The following TNC variants were observed in gnomAD, a reference collection of about 807,000 sequenced individuals.
The protein encoded by TNC is tenascin.
A neutral mutation model predicts 202.4 loss-of-function variants in TNC; 109 were observed. The ratio of observed to expected loss-of-function variants is 0.54; its 90% CI spans 0.46 to 0.63. The LOEUF is 0.63. TNC is among the 30% of genes least tolerant of loss of function. The pLI, the probability that TNC is intolerant of heterozygous loss-of-function variation, is 0.00. For synonymous variants in TNC, 1,007 were observed against 1,089.7 expected, an observed-to-expected ratio of 0.92 and a Z score of 1.50; for missense variants, 2,756 against 2,833.3, an observed-to-expected ratio of 0.97 and a Z score of 0.62.
At chr9:115,043,270 G>T (rs1010699654) in intron 17 of TNC, among the ~76,000 whole-genome samples, 1 of 152,094 alleles carries the variant, frequency 6.6e-6, no homozygotes, top group African/African-American at 2.4e-5. Flanking sequence ...ATTCAGCAAG[G>T]GTTTTTTTTT....
intron 24 of TNC, among the ~76,000 whole-genome samples, chr9:115,029,785 C>T (rs1564407449): frequency 6.6e-6 from 1 of 152,118 alleles, no homozygotes; most frequent in Non-Finnish European, 1.5e-5. Flanking sequence ...ATGAAAACTT[C>T]TGTTCACTTA....
At chr9:115,023,907 G>A (rs1829277176) in intron 27 of TNC, 66 bp downstream of exon 27, 4 of 1,539,284 alleles carry the variant, frequency 2.6e-6, no homozygotes, top group Non-Finnish European at 1.8e-6. Context: ...GAGTTAAATT[G>A]TACTTCCATT....
At chr9:115,099,403 T>C (rs1051553942) in intron 1 of TNC, among the ~76,000 whole-genome samples, 2 of 152,220 alleles carry the variant, frequency 1.3e-5, no homozygotes, top group African/African-American at 4.8e-5. Context: ...GAAACATCTG[T>C]GCAATGTTTG....
intron 19 of TNC, among the ~76,000 whole-genome samples, chr9:115,039,518 C>T (rs1034287617): frequency 3.9e-5 from 6 of 152,206 alleles, no homozygotes; most frequent in African/African-American, 1.4e-4. Flanking sequence ...TCCTACTACC[C>T]AACATCACTT....
chr9:115,052,763 G>A lies in TNC; in HGVS notation c.4580-4231C>T, dbSNP rs556229322. 8.5e-5 allele frequency: 60 copies of A among 702,498 alleles called. No individual in the cohort carries two copies. In the South Asian group the frequency reaches 8.6e-4, roughly 10 times the overall value. 43.5% of individuals were successfully genotyped at this position (702,498 alleles called of 1,614,324 possible). On this transcript the variant is annotated intron_variant, in intron 15 of 27. Transcript: ENST00000350763. ...ACCTGTAATGACAAAGGCAGTGAGG[G>A]GTCTGGTGGGATCCCCAGCCAAGGT...
intron 19 of TNC, 129 bp from the exon 20 acceptor site, chr9:115,038,509 G>T: frequency 8.0e-7 from 1 of 1,245,486 alleles, no homozygotes; most frequent in Non-Finnish European, 1.1e-6. Context: ...ATGGTTCAGA[G>T]ACCTAAGCCT....
At chr9:115,087,382 A>G in intron 2 of TNC, 109 bp from the exon 3 acceptor site, 2 of 1,091,442 alleles carry the variant, frequency 1.8e-6, no homozygotes, top group East Asian at 2.6e-5. Context: ...TTGCACCCTC[A>G]GGCTCCATCT....
intron 18 of TNC, among the ~76,000 whole-genome samples, chr9:115,041,372 C>T (rs893384603): frequency 2.6e-5 from 4 of 151,254 alleles, no homozygotes; most frequent in African/African-American, 7.3e-5. Flanking sequence ...AGAGAGCTGG[C>T]ACGTTGTGCA....
intron 15 of TNC, among the ~76,000 whole-genome samples, chr9:115,050,641 ATTG>A: frequency 6.6e-6 from 1 of 152,340 alleles, no homozygotes; most frequent in Non-Finnish European, 1.5e-5. Flanking sequence ...GCATAGGTCT[ATTG>A]TTCTATCTAG....
In TNC at chr9:115,048,448, G is replaced by T. The variant is rs752514811; in HGVS notation, c.4664C>A (p.Ala1555Asp). Residue 1555 changes from alanine (A) to aspartate (D), a missense_variant, in exon 16 of 28, where the codon GCC becomes GAC. By Grantham distance (126) the Ala-to-Asp change is moderately radical. Around this residue, in one of 2 missense-constraint regions of TNC, gnomAD observed 2,559 missense variants for 2,546.0 expected, o/e 1.01. Transcript: ENST00000350763. ...CACCGTTACTAGAAAGCTGTCAAAG[G>T]CATTCTCCGATGCCATCCAGGAAAC... Reference protein sequence around the residue: ...FTVSWMASENAFDSFLVTVVD... With the variant: ...FTVSWMASENDFDSFLVTVVD... 3.7e-6 allele frequency: 6 copies of T among 1,613,886 alleles called. No individual in the cohort carries two copies. Among genetic ancestry groups the T allele is most frequent in the African/African-American group, 1.3e-5 (1 of 74,910 alleles).
chr9:115,074,570 T>G (rs1461152775), intron 9 of TNC, among the ~76,000 whole-genome samples: 2 of 152,232 alleles, frequency 1.3e-5, no homozygotes, highest in Non-Finnish European at 2.9e-5. Flanking sequence ...TCAAATGGAC[T>G]AATATGTGTA....
intron 13 of TNC, among the ~76,000 whole-genome samples, chr9:115,061,974 G>A (rs1832578702): frequency 6.6e-6 from 1 of 152,192 alleles, no homozygotes; most frequent in Admixed American, 6.5e-5. Flanking sequence ...GATAGTTTCA[G>A]CAGAAGCTAA....
Position 115,090,920 on chromosome 9 carries a change from T to A in TNC, c.99A>T (p.Arg33=). 1 of 1,614,146 alleles carries A rather than the reference T, an allele frequency of 6.2e-7. No homozygotes were observed. The highest frequency in any genetic ancestry group is 8.5e-7 in the Non-Finnish European group (1 of 1,180,014). ...GCAGGGTGGCGTTCACCCCACTCTG[T>A]CGCTTGTGCCGGATGACTTTCTTGA... is the stretch of plus-strand genomic sequence containing the variant. ...GVLKKVIRHK[R]QSGVNATLPE... Residue 33 remains arginine (R), a synonymous_variant, in exon 2 of 28, where the codon CGA becomes CGT. Coordinates refer to ENST00000350763, the MANE Select transcript of TNC (RefSeq NM_002160.4).
At chr9:115,060,581 G>C (rs1469472067) in intron 13 of TNC, among the ~76,000 whole-genome samples, 1 of 152,160 alleles carries the variant, frequency 6.6e-6, no homozygotes, top group Admixed American at 6.5e-5. Context: ...GCTTAATAAA[G>C]AAATCATTGT....
rs920122547 is a variant in TNC, at chr9:115,064,123, G to A, written c.3488-55C>T. On this transcript the variant is annotated intron_variant, in intron 11 of 27. Coordinates refer to ENST00000350763, the MANE Select transcript of TNC (RefSeq NM_002160.4). ...ATCAAATCACACAACAAGATCCAGG[G>A]AATCTTTAACACAAGAATAAGCTGA... The A allele has an allele frequency of 4.0e-6, 6 of 1,500,040 alleles. No individual in the cohort carries two copies. In the African/African-American group the frequency reaches 8.4e-5, roughly 21 times the overall value. 92.9% of individuals were successfully genotyped at this position (1,500,040 alleles called of 1,614,324 possible). A position where few individuals can be genotyped will look rare whatever the true frequency, so the allele number is the denominator to read the frequency against.
chr9:115,072,540 A>G (rs986160826), intron 10 of TNC, among the ~76,000 whole-genome samples: 2 of 152,244 alleles, frequency 1.3e-5, no homozygotes, highest in East Asian at 1.9e-4. Context: ...TTGCATATCA[A>G]GCTTCAACTG....
intron 26 of TNC, among the ~76,000 whole-genome samples, chr9:115,024,624 G>A (rs1031561774): frequency 6.6e-6 from 1 of 152,164 alleles, no homozygotes; most frequent in African/African-American, 2.4e-5. Flanking sequence ...AGTAAGGTGA[G>A]AAGTATGCAT....
chr9:115,021,840 T>G (rs891168612), intron 27 of TNC, among the ~76,000 whole-genome samples: 1 of 150,546 alleles, frequency 6.6e-6, no homozygotes, highest in African/African-American at 2.5e-5. Context: ...GTTTTACTAT[T>G]TTTTTTTCTT....
intron 20 of TNC, 124 bp from the exon 21 acceptor site, chr9:115,036,365 G>T: frequency 9.1e-7 from 1 of 1,104,084 alleles, no homozygotes; most frequent in Non-Finnish European, 1.3e-6. Flanking sequence ...CGGAAAAGCA[G>T]GTCTGATTTC....
Sources: gnomAD v4.1 joint callset for allele counts (sites outside exome capture counted in the v4.1 genomes callset) on GRCh38, gnomAD v4.1.1 for gene constraint, gnomAD v4.1.1 regional missense constraint, MANE v1.5 for transcripts, NCBI Gene and HGNC (gene_info 2026-07-23, HGNC 2026-07-21) for gene names.